Variants in DNAH11 observed in about 807,000 individuals in gnomAD.
The protein encoded by DNAH11 is dynein axonemal heavy chain 11.
In DNAH11, 442 loss-of-function variants were observed where a neutral mutation model predicts 526.0. That is an observed-to-expected ratio of 0.84 (90% CI 0.78 to 0.91). The LOEUF (loss-of-function observed/expected upper bound fraction) is 0.91. Among genes scored for constraint, DNAH11 ranks in the 40% least tolerant of loss-of-function variants. The pLI, the probability that DNAH11 is intolerant of heterozygous loss-of-function variation, is 0.00. For synonymous variants in DNAH11, 2,461 were observed against 1,935.9 expected, an observed-to-expected ratio of 1.27 and a Z score of -7.12; for missense variants, 6,989 against 5,448.7, an observed-to-expected ratio of 1.28 and a Z score of -8.90.
Position 21,901,229 on chromosome 7 carries a change from G to C in DNAH11, c.13526G>C (p.Gly4509Ala), listed in dbSNP as rs778954486. ...EEKTAKWVLA[G>A]VALLLEA ...AAGACTGCAAAATGGGTTCTGGCTG[G>C]AGTGGCTCTGCTTCTAGAAGCGTAA... is the stretch of plus-strand genomic sequence containing the variant. Residue 4509 changes from glycine (G) to alanine (A), a missense_variant, in exon 82 of 82, where the codon GGA becomes GCA. Coordinates refer to ENST00000409508, the MANE Select transcript of DNAH11 (RefSeq NM_001277115.2). 1.2e-6 allele frequency: 2 copies of C among 1,609,832 alleles called. No homozygotes were observed. Among genetic ancestry groups the C allele is most frequent in the Non-Finnish European group, 1.7e-6 (2 of 1,177,978 alleles).
At position 21,725,864 on chromosome 7, in the gene DNAH11, A is replaced by G; in HGVS notation, c.7320A>G (p.Ala2440=). 6.2e-7 allele frequency: 1 copy of G among 1,611,790 alleles called. No homozygotes were observed. Among genetic ancestry groups the G allele is most frequent in the Non-Finnish European group, 8.5e-7 (1 of 1,178,958 alleles). ...GGTGGTGGCAGAAAGAGATGAAAGCAGTGAAATTTCCGTCGCAGGGAACAA... is the reference window on the plus strand; with the variant it reads ...GGTGGTGGCAGAAAGAGATGAAAGCGGTGAAATTTCCGTCGCAGGGAACAA... ...FSRWWQKEMK[A]VKFPSQGTIF... is the part of the protein sequence containing the mutation. Residue 2440 remains alanine, a synonymous_variant, in exon 45 of 82, where the codon GCA becomes GCG. Transcript: ENST00000409508.
intron 42 of DNAH11, among the ~76,000 whole-genome samples, chr7:21,716,415 G>A (rs1347495953): frequency 6.6e-6 from 1 of 152,152 alleles, no homozygotes; most frequent in Admixed American, 6.5e-5. Flanking sequence ...CACCCCAGGA[G>A]GTTCATATTA....
chr7:21,704,576 G>A lies in DNAH11; in HGVS notation c.6416G>A (p.Arg2139Lys), dbSNP rs140048925. 9.3e-4 allele frequency: 1,493 copies of A among 1,613,728 alleles called. 9 individuals are homozygous for A. In the African/African-American group the frequency reaches 0.015, roughly 17 times the overall value. Residue 2139 changes from arginine to lysine, a missense_variant, in exon 38 of 82, where the codon AGG becomes AAG. Physicochemically the swap from Arg to Lys is conservative, Grantham distance 26 (BLOSUM62 2). Transcript: ENST00000409508. ...AAGCTGCACTTTGAACAGATGGTCAGGCAGTCTACCCTGGAGCTCCGCCTG... is the reference window on the plus strand; with the variant it reads ...AAGCTGCACTTTGAACAGATGGTCAAGCAGTCTACCCTGGAGCTCCGCCTG... Reference protein sequence around the residue: ...RRKLHFEQMVRQSTLELRLQP... With the variant: ...RRKLHFEQMVKQSTLELRLQP...
chr7:21,638,324 A>T (rs757472979), intron 27 of DNAH11, among the ~76,000 whole-genome samples: 2 of 152,184 alleles, frequency 1.3e-5, no homozygotes, highest in Non-Finnish European at 2.9e-5. Context: ...GCAGTTTTAT[A>T]GTCTGAAAGT....
intron 45 of DNAH11, among the ~76,000 whole-genome samples, chr7:21,731,454 C>T (rs1785381408): frequency 6.6e-6 from 1 of 152,142 alleles, no homozygotes; most frequent in Non-Finnish European, 1.5e-5. Context: ...TGGAAATCTA[C>T]ACAGCAGTAA....
chr7:21,742,249 T>G, intron 49 of DNAH11, 83 bp downstream of exon 49: 1 of 1,441,656 alleles, frequency 6.9e-7, no homozygotes, highest in East Asian at 2.3e-5. Context: ...TATGTCACTA[T>G]AGAGAAACAC....
chr7:21,602,393 C>T (rs1056575832), intron 18 of DNAH11, among the ~76,000 whole-genome samples: 6 of 152,096 alleles, frequency 3.9e-5, no homozygotes, highest in Non-Finnish European at 7.4e-5. Flanking sequence ...ATGGGGAAAT[C>T]ACTGTGCTTT....
At chr7:21,832,114 G>A (rs1217850116) in intron 65 of DNAH11, among the ~76,000 whole-genome samples, 2 of 151,752 alleles carry the variant, frequency 1.3e-5, no homozygotes, top group African/African-American at 2.4e-5. Flanking sequence ...TCTGTCACTT[G>A]CACCCAGAAG....
rs1347868190 is a variant in DNAH11, at chr7:21,658,821, T to G, written c.5118T>G (p.Leu1706=). 1.3e-6 allele frequency: 2 copies of G among 1,590,836 alleles called. No homozygotes were observed. Among genetic ancestry groups the G allele is most frequent in the Non-Finnish European group, 1.7e-6 (2 of 1,168,464 alleles). The change falls in exon 30 of 82, where the codon CTT becomes CTG. Residue 1706 remains leucine, a synonymous_variant. Coordinates refer to ENST00000409508, the MANE Select transcript of DNAH11 (RefSeq NM_001277115.2). ...VGHVETWLLQ[L]EQTMQETVRH... ...AGGTGGAAACATGGCTTCTGCAACT[T>G]GAACAGACTATGCAAGAAACGGTGC... is the stretch of plus-strand genomic sequence containing the variant.
At chr7:21,729,027 T>A (rs1283241201) in intron 45 of DNAH11, among the ~76,000 whole-genome samples, 1 of 152,182 alleles carries the variant, frequency 6.6e-6, no homozygotes, top group Non-Finnish European at 1.5e-5. Flanking sequence ...GTGACAGAAG[T>A]GGTGACCCCA....
intron 46 of DNAH11, among the ~76,000 whole-genome samples, chr7:21,738,498 G>A: frequency 6.6e-6 from 1 of 152,168 alleles, no homozygotes; most frequent in East Asian, 1.9e-4. Context: ...ATGACTTCTG[G>A]CAACAGGAGG....
chr7:21,876,424 T>C (rs1464299961), intron 74 of DNAH11, among the ~76,000 whole-genome samples: 1 of 152,248 alleles, frequency 6.6e-6, no homozygotes, highest in East Asian at 1.9e-4. Context: ...TTTAATCAGA[T>C]TATATAATTC....
At position 21,578,071 on chromosome 7, in the gene DNAH11, G is replaced by C. The variant is rs561537464; in HGVS notation, c.1594-3834G>C. ...ATGATGGAAGATGAAGGGGAAGCAA[G>C]GACCTTCTTCACATAGTGTTCAGAG... On this transcript the variant is annotated intron_variant, in intron 8 of 81. Transcript: ENST00000409508. 1.6e-4 allele frequency among the ~76,000 whole-genome samples: 25 copies of C among 152,252 alleles called. No individual in the cohort carries two copies. The East Asian group carries it at 4.8e-3, about 29-fold the overall frequency.
intron 35 of DNAH11, 85 bp downstream of exon 35, chr7:21,690,966 T>C: frequency 2.1e-6 from 2 of 969,654 alleles, no homozygotes; most frequent in Non-Finnish European, 3.1e-6. Context: ...GGTTTGCTTT[T>C]ACTTGAAAAT....
intron 56 of DNAH11, among the ~76,000 whole-genome samples, chr7:21,776,357 G>T (rs545995266): frequency 1.3e-5 from 2 of 152,318 alleles, no homozygotes; most frequent in South Asian, 4.1e-4. Flanking sequence ...GGCAGTTTTA[G>T]AAATAAGTGG....
rs1197056424 is a variant in DNAH11, at chr7:21,742,023, T to C, written c.8011T>C (p.Phe2671Leu). 1 of 1,613,958 alleles carries C rather than the reference T, an allele frequency of 6.2e-7. No individual in the cohort carries two copies. Among genetic ancestry groups the C allele is most frequent in the Non-Finnish European group, 8.5e-7 (1 of 1,179,872 alleles). Reference protein sequence around the residue: ...IFSFHFQQQAFAPSILRSGPT... With the variant: ...IFSFHFQQQALAPSILRSGPT... ...TAGCTTCCATTTCCAACAGCAAGCA[T>C]TTGCTCCATCAATTCTCAGGAGTGG... is the stretch of plus-strand genomic sequence containing the variant. Residue 2671 changes from phenylalanine to leucine, a missense_variant, in exon 49 of 82, where the codon TTT (phenylalanine) becomes CTT (leucine). Coordinates refer to ENST00000409508, the MANE Select transcript of DNAH11 (RefSeq NM_001277115.2).
At position 21,801,128 on chromosome 7, in the gene DNAH11, C is replaced by T; in HGVS notation, c.10027-9C>T. ...AAATGACTCAAAAGTTAATTCAACTCTGATTCAGGATCTGGATCGAAATCT... is the reference window on the plus strand; with the variant it reads ...AAATGACTCAAAAGTTAATTCAACTTTGATTCAGGATCTGGATCGAAATCT... On this transcript the variant is annotated splice_polypyrimidine_tract_variant and intron_variant, in intron 61 of 81. Transcript: ENST00000409508. 6.2e-7 allele frequency: 1 copy of T among 1,600,624 alleles called. No homozygotes were observed. The highest frequency in any genetic ancestry group is 8.5e-7 in the Non-Finnish European group (1 of 1,172,740).
chr7:21,594,260 G>A (rs1438235397), intron 14 of DNAH11, among the ~76,000 whole-genome samples: 2 of 152,070 alleles, frequency 1.3e-5, no homozygotes, highest in African/African-American at 4.8e-5. Flanking sequence ...AATAGATTAC[G>A]GTTTTCCTGC....
chr7:21,831,452 C>T (rs569067211), intron 65 of DNAH11, among the ~76,000 whole-genome samples: 1 of 152,040 alleles, frequency 6.6e-6, no homozygotes, highest in African/African-American at 2.4e-5. Flanking sequence ...TAATTTTTGC[C>T]TCTCATAGAT....
Sources: allele counts gnomAD v4.1 joint callset (sites outside exome capture counted in the v4.1 genomes callset), GRCh38; gene constraint gnomAD v4.1.1; transcripts MANE v1.5; gene names NCBI Gene and HGNC (gene_info 2026-07-23, HGNC 2026-07-21).